Variants in PLCXD3 observed in about 807,000 individuals in gnomAD.
PLCXD3 encodes the protein phosphatidylinositol specific phospholipase C X domain containing 3, also known as PI-PLC X domain-containing protein 3.
PLCXD3 carries 19 observed loss-of-function variants against 25.5 expected under a neutral mutation model. That is an observed-to-expected ratio of 0.75 (90% CI 0.52 to 1.09). PLCXD3 has a LOEUF of 1.09. PLCXD3 is among the 50% of genes least tolerant of loss of function. The pLI is 0.00. For missense variants in PLCXD3, 411 were observed against 388.1 expected (o/e 1.06, Z -0.50); for synonymous variants, 174 against 137.6 (o/e 1.26, Z -1.85).
chr5:41,363,348 C>A (rs1486763105), intron 2 of PLCXD3, among the ~76,000 whole-genome samples: 1 of 152,140 alleles, frequency 6.6e-6, no homozygotes, highest in Non-Finnish European at 1.5e-5. Flanking sequence ...ATATCTACTG[C>A]TTGATCCAAG....
chr5:41,371,365 A>C (rs1745090663), intron 2 of PLCXD3, among the ~76,000 whole-genome samples: 1 of 152,126 alleles, frequency 6.6e-6, no homozygotes. Flanking sequence ...GGACATAAGC[A>C]ATCTCCCACA....
chr5:41,495,188 G>A (rs188828786), intron 1 of PLCXD3, among the ~76,000 whole-genome samples: 29 of 152,346 alleles, frequency 1.9e-4, no homozygotes, highest in East Asian at 7.7e-4. Flanking sequence ...CAGATTCTCC[G>A]TAGGGAGAGA....
At chr5:41,373,115 A>T (rs1254195818) in intron 2 of PLCXD3, among the ~76,000 whole-genome samples, 1 of 151,942 alleles carries the variant, frequency 6.6e-6, no homozygotes, top group Non-Finnish European at 1.5e-5. Context: ...GCCTCGTTAT[A>T]CCCCCTTCTT....
intron 1 of PLCXD3, among the ~76,000 whole-genome samples, chr5:41,469,697 C>G (rs1748107832): frequency 6.6e-6 from 1 of 152,006 alleles, no homozygotes; most frequent in Non-Finnish European, 1.5e-5. Context: ...TTAAAAAATG[C>G]CATCAATTAA....
chr5:41,345,555 C>T (rs1220639465), intron 2 of PLCXD3, among the ~76,000 whole-genome samples: 1 of 152,132 alleles, frequency 6.6e-6, no homozygotes, highest in South Asian at 2.1e-4. Flanking sequence ...CTGAACACAG[C>T]CTGTCATTCA....
intron 2 of PLCXD3, among the ~76,000 whole-genome samples, chr5:41,351,585 C>T (rs1271407497): frequency 3.3e-5 from 5 of 152,090 alleles, no homozygotes; most frequent in Non-Finnish European, 7.4e-5. Context: ...ATTTTAGGTC[C>T]AACTCTACTA....
chr5:41,420,913 A>C (rs1488780694), intron 1 of PLCXD3, among the ~76,000 whole-genome samples: 2 of 152,202 alleles, frequency 1.3e-5, no homozygotes, highest in Admixed American at 6.5e-5. Flanking sequence ...GTGAGGCTAC[A>C]GATAATAAAA....
chr5:41,468,281 G>T (rs1026512512), intron 1 of PLCXD3, among the ~76,000 whole-genome samples: 1 of 151,990 alleles, frequency 6.6e-6, no homozygotes, highest in African/African-American at 2.4e-5. Context: ...GCCTCCCAAA[G>T]TGCTGAGATT....
intron 1 of PLCXD3, among the ~76,000 whole-genome samples, chr5:41,388,078 A>G (rs1745694204): frequency 6.6e-6 from 1 of 152,084 alleles, no homozygotes; most frequent in African/African-American, 2.4e-5. Flanking sequence ...GACCATTTTC[A>G]TCTGGCTAAT....
intron 2 of PLCXD3, among the ~76,000 whole-genome samples, chr5:41,322,020 C>A (rs1694757406): frequency 6.6e-6 from 1 of 152,082 alleles, no homozygotes; most frequent in African/African-American, 2.4e-5. Context: ...TTGGTCTGGG[C>A]AAAAATTTCT....
rs1289033182 is a variant in PLCXD3, at chr5:41,311,371, A to G, written c.*2246T>C. On this transcript the variant is annotated 3_prime_UTR_variant, in exon 3 of 3. Transcript: ENST00000377801. ...TTTAAAAATAATTAAGTCCTACACT[A>G]GAATTCTTTTACAAAAATACTTTGA... 6.6e-6 allele frequency: 1 copy of G among 152,152 alleles called. No individual in the cohort carries two copies. The highest frequency in any genetic ancestry group is 1.5e-5 in the Non-Finnish European group (1 of 68,006). 9.4% of individuals were successfully genotyped at this position (152,152 alleles called of 1,614,324 possible). A position where few individuals can be genotyped will look rare whatever the true frequency, so the allele number is the denominator to read the frequency against.
chr5:41,380,917 G>A (rs1334690441), intron 2 of PLCXD3, among the ~76,000 whole-genome samples: 1 of 152,106 alleles, frequency 6.6e-6, no homozygotes, highest in East Asian at 1.9e-4. Context: ...TACCTCACAG[G>A]TAATGAACAT....
intron 2 of PLCXD3, among the ~76,000 whole-genome samples, chr5:41,373,753 G>A (rs1745195861): frequency 6.6e-6 from 1 of 152,046 alleles, no homozygotes. Context: ...GGGATGCAGT[G>A]CCATAATGTT....
chr5:41,388,915 A>T (rs318849), intron 1 of PLCXD3, among the ~76,000 whole-genome samples: 129,628 of 151,380 alleles, frequency 0.86, 55,825 homozygotes, highest in African/African-American at 0.88. Flanking sequence ...TGTTTTAAAA[A>T]AACATATATT....
intron 1 of PLCXD3, among the ~76,000 whole-genome samples, chr5:41,425,060 T>A (rs977870096): frequency 1.1e-4 from 16 of 152,236 alleles, no homozygotes; most frequent in Non-Finnish European, 1.8e-4. Context: ...GTATGCAGCT[T>A]TGGAGTTCTT....
intron 2 of PLCXD3, among the ~76,000 whole-genome samples, chr5:41,377,959 A>G (rs1049834568): frequency 6.6e-5 from 10 of 152,072 alleles, no homozygotes; most frequent in African/African-American, 2.4e-4. Context: ...ATTGCCTGGT[A>G]ACTTTCCTTT....
intron 2 of PLCXD3, among the ~76,000 whole-genome samples, chr5:41,326,745 G>A (rs1023394351): frequency 6.6e-6 from 1 of 152,066 alleles, no homozygotes; most frequent in East Asian, 1.9e-4. Context: ...AGTTCTGTGA[G>A]TGTACATAGC....
chr5:41,329,260 A>G (rs1743719589), intron 2 of PLCXD3, among the ~76,000 whole-genome samples: 1 of 152,204 alleles, frequency 6.6e-6, no homozygotes, highest in South Asian at 2.1e-4. Flanking sequence ...GAAAGTTTAA[A>G]TGTCACTTCT....
chr5:41,418,667 G>A (rs1268507866), intron 1 of PLCXD3, among the ~76,000 whole-genome samples: 1 of 152,086 alleles, frequency 6.6e-6, no homozygotes, highest in Non-Finnish European at 1.5e-5. Context: ...GAGTAGTATA[G>A]GTTCTTGCTT....
Sources: allele counts gnomAD v4.1 joint callset (sites outside exome capture counted in the v4.1 genomes callset), GRCh38; gene constraint gnomAD v4.1.1; transcripts MANE v1.5; gene names NCBI Gene and HGNC (gene_info 2026-07-23, HGNC 2026-07-21).